CHERP: variants seen among roughly 807,000 people sequenced by gnomAD.
CHERP encodes the protein calcium homeostasis endoplasmic reticulum protein.
In CHERP, 8 loss-of-function variants were observed where a neutral mutation model predicts 113.8. The observed-to-expected ratio is 0.07, with a 90% CI of 0.04 to 0.13. The LOEUF is 0.13. Among genes scored for constraint, CHERP ranks in the 10% least tolerant of loss-of-function variants. CHERP has a pLI of 1.00. For missense variants in CHERP, 884 were observed against 1,298.2 expected (o/e 0.68, Z 4.90); for synonymous variants, 559 against 524.5 (o/e 1.07, Z -0.90).
Position 16,523,734 on chromosome 19 carries a change from G to A in CHERP, c.1742-444C>T, listed in dbSNP as rs911959602. Among the ~76,000 whole-genome samples the A allele has an allele frequency of 2.2e-4, 33 of 152,002 alleles. No individual in the cohort carries two copies. Among genetic ancestry groups the A allele is most frequent in the African/African-American group, 7.5e-4 (31 of 41,372 alleles). On this transcript the variant is annotated intron_variant, in intron 10 of 16. Transcript: ENST00000546361. The surrounding 1 kb of genome is among the most constrained non-coding windows in gnomAD (Gnocchi z 4.0). ...AGAGATTAGGACACAGACATGTAGA[G>A]AGAAGACGGTCACCTATGAGCCAAG... is the stretch of plus-strand genomic sequence containing the variant.
In CHERP at chr19:16,535,586, G is replaced by A; in HGVS notation, c.250C>T (p.Pro84Ser). 9 of 1,551,760 alleles carry A rather than the reference G, an allele frequency of 5.8e-6. No individual in the cohort carries two copies. Among genetic ancestry groups the A allele is most frequent in the Non-Finnish European group, 7.8e-6 (9 of 1,149,798 alleles). The change falls in exon 3 of 17, where the codon CCC (proline) becomes TCC (serine). Residue 84 changes from proline to serine, a missense_variant. Transcript: ENST00000546361. This position sits in a 1 kb window ranked among gnomAD's most constrained non-coding sequence, Gnocchi z 4.3. ...GGGGCCAGCGGGGGCTGTGGCAGGG[G>A]TGGCATGGTGGCGGCTGGCTCCAGC... ...PELEPAATMP[P>S]LPQPPLAPAA...
chr19:16,533,796 A>ACAG (rs79729277), intron 3 of CHERP, among the ~76,000 whole-genome samples: 1 of 151,630 alleles, frequency 6.6e-6, no homozygotes. Flanking sequence ...AACAACAACA[A>ACAG]AAAGAAAAGA....
At chr19:16,524,888 A>C (rs552511310) in intron 10 of CHERP, among the ~76,000 whole-genome samples, 55 of 152,172 alleles carry the variant, frequency 3.6e-4, no homozygotes, top group African/African-American at 1.3e-3. Flanking sequence ...CACCACGCCA[A>C]GTATTGATTT....
intron 11 of CHERP, among the ~76,000 whole-genome samples, chr19:16,521,878 C>T (rs1466131640): frequency 6.6e-6 from 1 of 152,230 alleles, no homozygotes; most frequent in Non-Finnish European, 1.5e-5. Flanking sequence ...ATGACAGTCA[C>T]AGGGTTCTCT....
intron 5 of CHERP, among the ~76,000 whole-genome samples, chr19:16,531,256 T>C (rs964035527): frequency 6.6e-5 from 10 of 151,554 alleles, no homozygotes; most frequent in Non-Finnish European, 1.3e-4. Flanking sequence ...TGCTGCGGAG[T>C]GGGGGTCTTG....
intron 2 of CHERP, among the ~76,000 whole-genome samples, chr19:16,537,098 A>G (rs920259139): frequency 1.3e-5 from 2 of 151,620 alleles, no homozygotes; most frequent in Non-Finnish European, 2.9e-5. Context: ...TCTCTAAACG[A>G]TTTCTCAGAC....
At chr19:16,538,714 A>C (rs1269572558) in intron 2 of CHERP, among the ~76,000 whole-genome samples, 1 of 151,924 alleles carries the variant, frequency 6.6e-6, no homozygotes, top group Non-Finnish European at 1.5e-5. Context: ...TCTTGGCTTC[A>C]ATCTTCCTGG....
chr19:16,524,125 C>T (rs2085640441), intron 10 of CHERP, among the ~76,000 whole-genome samples: 1 of 151,958 alleles, frequency 6.6e-6, no homozygotes, highest in African/African-American at 2.4e-5. Context: ...TGACTGATGC[C>T]TGTAATCCCA....
intron 2 of CHERP, among the ~76,000 whole-genome samples, chr19:16,537,731 C>T (rs1319251178): frequency 2.6e-5 from 4 of 152,088 alleles, no homozygotes; most frequent in Admixed American, 1.3e-4. Context: ...ACCCCAGAAC[C>T]GGTCTTCCTG....
chr19:16,526,987 G>A (rs2085661503), intron 9 of CHERP, among the ~76,000 whole-genome samples: 1 of 152,180 alleles, frequency 6.6e-6, no homozygotes. Flanking sequence ...CCAAACTCCT[G>A]GCCTCAAGCA....
At chr19:16,542,121 G>T in intron 1 of CHERP, 78 bp from the exon 2 acceptor site, 1 of 1,480,410 alleles carries the variant, frequency 6.8e-7, no homozygotes, top group African/African-American at 1.4e-5. Flanking sequence ...CCCAGCCCCC[G>T]TCCGCCTTGC....
chr19:16,532,753 C>A lies in CHERP; in HGVS notation c.523-4G>T. The stretch of plus-strand genomic sequence containing the variant: ...TGAACATCCAGTTCTTCCCGGCCTG[C>A]AACAACCGAGCCAATGACGAGTGAG... On this transcript the variant is annotated splice_region_variant and splice_polypyrimidine_tract_variant and intron_variant, in intron 4 of 16. Transcript: ENST00000546361. The surrounding 1 kb of genome is among the most constrained non-coding windows in gnomAD (Gnocchi z 4.4). 2 of 1,603,830 alleles carry A rather than the reference C, an allele frequency of 1.2e-6. No homozygotes were observed. Among genetic ancestry groups the A allele is most frequent in the South Asian group, 1.1e-5 (1 of 90,200 alleles).
chr19:16,542,073 C>T, intron 1 of CHERP, 30 bp from the exon 2 acceptor site: 1 of 1,591,788 alleles, frequency 6.3e-7, no homozygotes, highest in South Asian at 1.1e-5. Context: ...CCACGCGGGG[C>T]GTCAGCGAGG....
rs150179770 is a variant in CHERP, at chr19:16,529,602, T to C, written c.1129+46A>G. The stretch of plus-strand genomic sequence containing the variant: ...CTGACTACACTCGGTGCCCAGCCTC[T>C]GGGGGCTGTTTCCTGGGGGCAGGCT... On this transcript the variant is annotated intron_variant, in intron 8 of 16. Transcript: ENST00000546361. 1.2e-3 allele frequency: 1,804 copies of C among 1,525,472 alleles called. 21 individuals are homozygous for C. The African/African-American group carries it at 0.022, about 19-fold the overall frequency. 94.5% of individuals were successfully genotyped at this position (1,525,472 alleles called of 1,614,324 possible). A position where few individuals can be genotyped will look rare whatever the true frequency, so the allele number is the denominator to read the frequency against.
chr19:16,530,742 C>T lies in CHERP; in HGVS notation c.786+27G>A, dbSNP rs1396929324. The stretch of plus-strand genomic sequence containing the variant: ...AAAGGCCTGTGTGTCCCGGTCTTGC[C>T]CAACCCCCGGCCCGGGGCCCACGCA... On this transcript the variant is annotated intron_variant, in intron 6 of 16. Transcript: ENST00000546361. This position sits in a 1 kb window ranked among gnomAD's most constrained non-coding sequence, Gnocchi z 4.1. The T allele has an allele frequency of 2.5e-6, 4 of 1,613,886 alleles. No individual in the cohort carries two copies. Among genetic ancestry groups the T allele is most frequent in the Non-Finnish European group, 2.5e-6 (3 of 1,179,970 alleles).
Position 16,532,400 on chromosome 19 carries a change from C to T in CHERP, c.674+198G>A. On this transcript the variant is annotated intron_variant, in intron 5 of 16. Coordinates refer to ENST00000546361, the MANE Select transcript of CHERP (RefSeq NM_006387.6). This position sits in a 1 kb window ranked among gnomAD's most constrained non-coding sequence, Gnocchi z 4.4. ...GGACAGGGCATGCAGCGAAGGTGCACAGGACACCTAGACCTCGCAGTCCTG... is the reference window on the plus strand; with the variant it reads ...GGACAGGGCATGCAGCGAAGGTGCATAGGACACCTAGACCTCGCAGTCCTG... 1 of 627,684 alleles carries T rather than the reference C, an allele frequency of 1.6e-6. No individual in the cohort carries two copies. Among genetic ancestry groups the T allele is most frequent in the Non-Finnish European group, 2.7e-6 (1 of 370,232 alleles). The allele number at this position is 627,684 out of a possible 1,614,324, so 38.9% of individuals were successfully genotyped here.
intron 2 of CHERP, among the ~76,000 whole-genome samples, chr19:16,540,963 G>C (rs972571565): frequency 6.6e-6 from 1 of 152,116 alleles, no homozygotes; most frequent in Non-Finnish European, 1.5e-5. Flanking sequence ...CTCCCAAAGT[G>C]CTGTGATTAC....
At position 16,520,944 on chromosome 19, in the gene CHERP, G is replaced by A. The variant is rs1456548558; in HGVS notation, c.2115-32C>T. ...GACACGGCATTCCGTGTGTGACCACGTGACACCCACCCACAAGGAAGTCGT... is the reference window on the plus strand; with the variant it reads ...GACACGGCATTCCGTGTGTGACCACATGACACCCACCCACAAGGAAGTCGT... On this transcript the variant is annotated intron_variant, in intron 12 of 16. Coordinates refer to ENST00000546361, the MANE Select transcript of CHERP (RefSeq NM_006387.6). The surrounding 1 kb of genome is among the most constrained non-coding windows in gnomAD (Gnocchi z 4.0). 7.0e-6 allele frequency: 11 copies of A among 1,575,154 alleles called. No individual in the cohort carries two copies. The highest frequency in any genetic ancestry group is 9.6e-6 in the Non-Finnish European group (11 of 1,145,732).
chr19:16,525,624 G>T lies in CHERP; in HGVS notation c.1359C>A (p.Pro453=). 1.3e-6 allele frequency: 2 copies of T among 1,532,158 alleles called. No individual in the cohort carries two copies. The highest frequency in any genetic ancestry group is 1.4e-5 in the African/African-American group (1 of 72,842). The allele number at this position is 1,532,158 out of a possible 1,614,324, so 94.9% of individuals were successfully genotyped here. Residue 453 remains proline (P), a synonymous_variant, in exon 10 of 17, where the codon CCC becomes CCA. Coordinates refer to ENST00000546361, the MANE Select transcript of CHERP (RefSeq NM_006387.6). The surrounding 1 kb of genome is among the most constrained non-coding windows in gnomAD (Gnocchi z 6.5). ...PHHQGGPPHC[P]PWNNSHEGMW... The stretch of plus-strand genomic sequence containing the variant: ...TGCCCTCATGGCTGTTGTTCCAGGG[G>T]GGGCAGTGGGGTGGGCCGCCCTGGT...
Sources: gnomAD v4.1 joint callset for allele counts (sites outside exome capture counted in the v4.1 genomes callset) on GRCh38, gnomAD v4.1.1 for gene constraint, Gnocchi (gnomAD v3.1) non-coding constraint, MANE v1.5 for transcripts, NCBI Gene and HGNC (gene_info 2026-07-23, HGNC 2026-07-21) for gene names.